The following PPP4R4 variants were observed in gnomAD, a reference collection of about 807,000 sequenced individuals.
PPP4R4 encodes protein phosphatase 4 regulatory subunit 4, also known as serine/threonine-protein phosphatase 4 regulatory subunit 4.
A neutral mutation model predicts 121.8 loss-of-function variants in PPP4R4; 70 were observed. The observed-to-expected ratio is 0.57, with a 90% CI of 0.47 to 0.70. The LOEUF is 0.70. PPP4R4 is among the 30% of genes least tolerant of loss of function. The pLI is 0.00. For synonymous variants in PPP4R4, 348 were observed against 355.7 expected (o/e 0.98, Z 0.24); for missense variants, 875 against 1,033.6 (o/e 0.85, Z 2.10).
chr14:94,261,862 T>C (rs1190931163), intron 19 of PPP4R4, among the ~76,000 whole-genome samples: 1 of 152,068 alleles, frequency 6.6e-6, no homozygotes, highest in Non-Finnish European at 1.5e-5. Context: ...TTTCAAATGG[T>C]AAACCAATGT....
At chr14:94,240,145 A>G (rs995858906) in intron 8 of PPP4R4, among the ~76,000 whole-genome samples, 1 of 152,198 alleles carries the variant, frequency 6.6e-6, no homozygotes, top group Non-Finnish European at 1.5e-5. Context: ...ATGTACTCAA[A>G]TAATTGATTA....
chr14:94,227,445 G>T, intron 3 of PPP4R4: 1 of 1,542,286 alleles, frequency 6.5e-7, no homozygotes, highest in South Asian at 1.2e-5. Context: ...TTGATTTTTA[G>T]CAGTGATGAA....
chr14:94,266,600 A>G (rs977014244), intron 22 of PPP4R4, among the ~76,000 whole-genome samples: 2 of 152,140 alleles, frequency 1.3e-5, no homozygotes, highest in Non-Finnish European at 2.9e-5. Context: ...TTTGGGCATT[A>G]TCAGTAGATC....
At chr14:94,220,031 G>C (rs2139491685) in intron 3 of PPP4R4, among the ~76,000 whole-genome samples, 1 of 152,258 alleles carries the variant, frequency 6.6e-6, no homozygotes, top group South Asian at 2.1e-4. Flanking sequence ...AGGCCAGCCT[G>C]GCCAACATGG....
intron 3 of PPP4R4, among the ~76,000 whole-genome samples, chr14:94,229,665 C>G (rs1891904481): frequency 6.6e-6 from 1 of 150,718 alleles, no homozygotes; most frequent in African/African-American, 2.5e-5. Flanking sequence ...GGAAATAATG[C>G]AGAAGGATTA....
rs1472085202 is a variant in PPP4R4 at position 94,250,192 on chromosome 14, G to A, written c.1632G>A (p.Lys544=). The A allele has an allele frequency of 6.2e-7, 1 of 1,610,974 alleles. No homozygotes were observed. Among genetic ancestry groups the A allele is most frequent in the African/African-American group, 1.3e-5 (1 of 74,928 alleles). Residue 544 remains lysine (K), a synonymous_variant, in exon 15 of 25, where the codon AAG becomes AAA. Coordinates refer to ENST00000304338, the MANE Select transcript of PPP4R4 (RefSeq NM_058237.2). ...MMTNNVLPVQ[K]AASRTLCIFL... is the part of the protein sequence containing the mutation. ...TCAAGAATGTTTTACCTGTCCAAAA[G>A]GCGGCTTCACGAACTCTATGCATTT...
intron 2 of PPP4R4, among the ~76,000 whole-genome samples, chr14:94,192,398 G>A (rs936487704): frequency 6.6e-6 from 1 of 152,032 alleles, no homozygotes; most frequent in African/African-American, 2.4e-5. Flanking sequence ...TTCTTGGAAG[G>A]TTAATTCTCT....
At chr14:94,179,978 AT>A (rs2139374902) in intron 2 of PPP4R4, among the ~76,000 whole-genome samples, 1 of 152,356 alleles carries the variant, frequency 6.6e-6, no homozygotes, top group Admixed American at 6.5e-5. Context: ...TTTAGGTATT[AT>A]GAGTCATATC....
intron 15 of PPP4R4, 34 bp downstream of exon 15, chr14:94,250,311 A>G: frequency 6.9e-7 from 1 of 1,446,598 alleles, no homozygotes; most frequent in Non-Finnish European, 9.7e-7. Context: ...TTGAAAAAGG[A>G]AAGTAAACAA....
intron 23 of PPP4R4, among the ~76,000 whole-genome samples, chr14:94,271,975 A>G (rs1437955558): frequency 6.6e-6 from 1 of 152,220 alleles, no homozygotes. Flanking sequence ...TACAAGATCT[A>G]TATAAGGAAA....
intron 3 of PPP4R4, chr14:94,227,397 T>C (rs747998957): frequency 1.8e-5 from 29 of 1,599,284 alleles, no homozygotes; most frequent in African/African-American, 1.3e-5. Context: ...TGAACTCTTA[T>C]TGTATTATGT....
intron 15 of PPP4R4, 123 bp downstream of exon 15, chr14:94,250,400 G>T (rs1040479997): frequency 1.4e-5 from 9 of 620,988 alleles, no homozygotes; most frequent in Non-Finnish European, 2.5e-5. Flanking sequence ...TTTATAAGAT[G>T]ATTTTTATTT....
chr14:94,246,811 T>G (rs1371064956), intron 14 of PPP4R4, among the ~76,000 whole-genome samples: 2 of 151,978 alleles, frequency 1.3e-5, no homozygotes, highest in Non-Finnish European at 2.9e-5. Flanking sequence ...AAGAACAGAG[T>G]AGACTCACTT....
At chr14:94,216,697 G>A (rs1407374465) in intron 3 of PPP4R4, among the ~76,000 whole-genome samples, 1 of 152,182 alleles carries the variant, frequency 6.6e-6, no homozygotes, top group Admixed American at 6.5e-5. Context: ...AAGAGTCTAA[G>A]CTGCAGAGGG....
intron 2 of PPP4R4, among the ~76,000 whole-genome samples, chr14:94,182,364 A>C (rs549241464): frequency 6.6e-6 from 1 of 152,318 alleles, no homozygotes; most frequent in African/African-American, 2.4e-5. Flanking sequence ...TGTACCCAGT[A>C]TCCAGATTAA....
intron 1 of PPP4R4, 128 bp from the exon 2 acceptor site, chr14:94,175,926 T>C (rs766684472): frequency 4.1e-5 from 31 of 747,000 alleles, no homozygotes; most frequent in Admixed American, 8.8e-5. Context: ...CCTTGATTAG[T>C]TTTCATTGTT....
At chr14:94,225,690 G>T (rs1891659020) in intron 3 of PPP4R4, among the ~76,000 whole-genome samples, 1 of 152,146 alleles carries the variant, frequency 6.6e-6, no homozygotes, top group Non-Finnish European at 1.5e-5. Flanking sequence ...ATCACTGAAA[G>T]GTAGAGATCC....
At chr14:94,187,802 T>A (rs1889369493) in intron 2 of PPP4R4, among the ~76,000 whole-genome samples, 1 of 152,130 alleles carries the variant, frequency 6.6e-6, no homozygotes, top group Non-Finnish European at 1.5e-5. Flanking sequence ...GTCCCTCAAG[T>A]TGGGTTTGTG....
chr14:94,199,460 T>C (rs1890050516), intron 2 of PPP4R4, among the ~76,000 whole-genome samples: 1 of 152,158 alleles, frequency 6.6e-6, no homozygotes. Context: ...TCAGTTTTGC[T>C]GTCCGTAGGC....
Sources: allele counts gnomAD v4.1 joint callset (sites outside exome capture counted in the v4.1 genomes callset), GRCh38; gene constraint gnomAD v4.1.1; transcripts MANE v1.5; gene names NCBI Gene and HGNC (gene_info 2026-07-23, HGNC 2026-07-21).